The following TAF3 variants were observed in gnomAD, a reference collection of about 807,000 sequenced individuals.
TAF3 encodes the protein transcription initiation factor TFIID subunit 3.
Under a neutral mutation model 80.6 loss-of-function variants are expected in TAF3, and 7 were observed. That is an observed-to-expected ratio of 0.09 (90% CI 0.05 to 0.16). The LOEUF is 0.16. Ranked by LOEUF, TAF3 falls within the 10% of genes least tolerant of loss-of-function variation. The pLI is 1.00. For synonymous variants in TAF3, 444 were observed against 446.1 expected (o/e 1.00, Z 0.06); for missense variants, 921 against 1,140.2 (o/e 0.81, Z 2.77).
chr10:7,944,513 A>G (rs548071188), intron 2 of TAF3, among the ~76,000 whole-genome samples: 24 of 152,322 alleles, frequency 1.6e-4, no homozygotes, highest in Admixed American at 1.4e-3. Context: ...CCAAATGTAG[A>G]TTTGCAACGT....
intron 3 of TAF3, among the ~76,000 whole-genome samples, chr10:7,974,335 G>A (rs1193362638): frequency 1.3e-5 from 2 of 152,144 alleles, no homozygotes; most frequent in African/African-American, 4.8e-5. Context: ...GGAAGGGGCG[G>A]TTTGTGGGCA....
chr10:7,823,209 G>A (rs2131097243), intron 1 of TAF3, among the ~76,000 whole-genome samples: 1 of 152,242 alleles, frequency 6.6e-6, no homozygotes, highest in East Asian at 1.9e-4. Context: ...TCATTCAATA[G>A]GTATTTATTG....
At chr10:7,896,891 G>A (rs951114845) in intron 2 of TAF3, among the ~76,000 whole-genome samples, 1 of 152,140 alleles carries the variant, frequency 6.6e-6, no homozygotes. Context: ...AGCCCAGTTG[G>A]AAGGCCCTTT....
intron 1 of TAF3, among the ~76,000 whole-genome samples, chr10:7,822,254 A>G (rs1836697197): frequency 6.6e-6 from 1 of 151,948 alleles, no homozygotes; most frequent in South Asian, 2.1e-4. Context: ...AAAAAAAAAA[A>G]AAAAAGGTGG....
chr10:7,915,125 A>G (rs892974129), intron 2 of TAF3, among the ~76,000 whole-genome samples: 4 of 151,036 alleles, frequency 2.6e-5, no homozygotes, highest in African/African-American at 9.7e-5. Context: ...TATTTTTAGT[A>G]GAGACGGGGT....
chr10:7,854,160 A>G (rs1230210913), intron 2 of TAF3, among the ~76,000 whole-genome samples: 1 of 152,238 alleles, frequency 6.6e-6, no homozygotes, highest in East Asian at 1.9e-4. Flanking sequence ...AGATATTTGG[A>G]AATTGAATAA....
chr10:8,007,708 G>C (rs1000244379), intron 4 of TAF3, among the ~76,000 whole-genome samples: 38 of 149,742 alleles, frequency 2.5e-4, no homozygotes, highest in African/African-American at 8.9e-4. Context: ...CCTTTCTCTT[G>C]CTGATCTTCA....
chr10:7,953,022 G>A (rs959075299), intron 2 of TAF3, among the ~76,000 whole-genome samples: 1 of 152,070 alleles, frequency 6.6e-6, no homozygotes, highest in African/African-American at 2.4e-5. Context: ...TTCCTTCCCA[G>A]CATCGAGTGC....
intron 2 of TAF3, among the ~76,000 whole-genome samples, chr10:7,841,328 A>G (rs1274035167): frequency 2.6e-5 from 4 of 152,178 alleles, no homozygotes; most frequent in Non-Finnish European, 5.9e-5. Flanking sequence ...TATTTCTGAA[A>G]AGAGAGGTAA....
chr10:7,820,940 T>C (rs1269227647), intron 1 of TAF3, among the ~76,000 whole-genome samples: 7 of 152,090 alleles, frequency 4.6e-5, no homozygotes, highest in African/African-American at 7.3e-5. Flanking sequence ...CCGTTAGTGA[T>C]AGGCTAGGCT....
intron 4 of TAF3, among the ~76,000 whole-genome samples, chr10:8,001,625 G>A (rs1831944144): frequency 6.6e-6 from 1 of 152,066 alleles, no homozygotes; most frequent in African/African-American, 2.4e-5. Context: ...TCAGCTTTTG[G>A]TGAGATACTA....
chr10:7,889,993 G>A (rs1837443711), intron 2 of TAF3, among the ~76,000 whole-genome samples: 1 of 152,146 alleles, frequency 6.6e-6, no homozygotes, highest in Admixed American at 6.5e-5. Flanking sequence ...CAACAGTTCT[G>A]AAACAGAAAT....
intron 4 of TAF3, among the ~76,000 whole-genome samples, chr10:7,985,267 G>A (rs891631034): frequency 1.3e-5 from 2 of 152,112 alleles, no homozygotes; most frequent in African/African-American, 2.4e-5. Context: ...ACGGCTTGTC[G>A]TCCAGGCTCT....
intron 2 of TAF3, among the ~76,000 whole-genome samples, chr10:7,860,417 T>C (rs1837132586): frequency 6.6e-6 from 1 of 152,148 alleles, no homozygotes; most frequent in African/African-American, 2.4e-5. Flanking sequence ...CCCATCCCAA[T>C]CACAGCCTCT....
intron 2 of TAF3, among the ~76,000 whole-genome samples, chr10:7,890,574 A>G (rs1588540530): frequency 6.6e-6 from 1 of 152,354 alleles, no homozygotes; most frequent in Non-Finnish European, 1.5e-5. Flanking sequence ...CAGTACAGTC[A>G]AGACTCTTTC....
chr10:7,987,814 C>A (rs989537739), intron 4 of TAF3, among the ~76,000 whole-genome samples: 3 of 152,180 alleles, frequency 2.0e-5, no homozygotes, highest in African/African-American at 7.2e-5. Flanking sequence ...GAAATCCTTT[C>A]TTCTTTGGGG....
At chr10:8,006,220 A>C (rs937054214) in intron 4 of TAF3, among the ~76,000 whole-genome samples, 2 of 130,630 alleles carry the variant, frequency 1.5e-5, no homozygotes, top group Non-Finnish European at 3.4e-5. Context: ...ACACACACAC[A>C]CACAAATTAG....
intron 2 of TAF3, among the ~76,000 whole-genome samples, chr10:7,871,019 C>A (rs1837260187): frequency 6.6e-6 from 1 of 152,022 alleles, no homozygotes; most frequent in African/African-American, 2.4e-5. Flanking sequence ...TAAGGAAAGA[C>A]AACGGAAAAT....
At chr10:7,844,696 T>C (rs1836952080) in intron 2 of TAF3, among the ~76,000 whole-genome samples, 1 of 152,192 alleles carries the variant, frequency 6.6e-6, no homozygotes, top group Admixed American at 6.5e-5. Context: ...CTTTTTAGTC[T>C]ATGCCTGTCT....
Sources: gnomAD v4.1 joint callset for allele counts (sites outside exome capture counted in the v4.1 genomes callset) on GRCh38, gnomAD v4.1.1 for gene constraint, MANE v1.5 for transcripts, NCBI Gene and HGNC (gene_info 2026-07-23, HGNC 2026-07-21) for gene names.